Variants in TSHR observed in about 807,000 individuals in gnomAD.
TSHR encodes thyroid stimulating hormone receptor.
A neutral mutation model predicts 64.1 loss-of-function variants in TSHR; 51 were observed. The observed-to-expected ratio is 0.80, with a 90% confidence interval of 0.64 to 1.01. TSHR has a LOEUF of 1.01. Ranked by LOEUF, TSHR falls within the 50% of genes least tolerant of loss-of-function variation. The probability of loss-of-function intolerance (pLI) is 0.00; values close to 1 mark genes in which losing one functional copy is unlikely to be tolerated. For missense variants in TSHR, 877 were observed against 942.8 expected (o/e 0.93, Z 0.91); for synonymous variants, 361 against 361.9 (o/e 1.00, Z 0.03).
At chr14:81,104,952 A>G in intron 7 of TSHR, 1 of 985,454 alleles carries the variant, frequency 1.0e-6, no homozygotes, top group Non-Finnish European at 1.2e-6. Context: ...TTCTTTTCTC[A>G]TAAGCCCTTT....
chr14:81,123,128 GAA>G (rs3837639), intron 8 of TSHR, among the ~76,000 whole-genome samples: 224 of 137,640 alleles, frequency 1.6e-3, no homozygotes, highest in African/African-American at 4.4e-3. Flanking sequence ...CTCCGTCTAA[GAA>G]AAAAAAAAAA....
At chr14:81,088,878 T>G (rs1888495401) in intron 4 of TSHR, among the ~76,000 whole-genome samples, 1 of 152,126 alleles carries the variant, frequency 6.6e-6, no homozygotes, top group Admixed American at 6.5e-5. Flanking sequence ...AGAGGGTATC[T>G]TGAACAAGAA....
At chr14:81,115,139 G>C (rs1890435754) in intron 8 of TSHR, among the ~76,000 whole-genome samples, 1 of 152,130 alleles carries the variant, frequency 6.6e-6, no homozygotes, top group African/African-American at 2.4e-5. Context: ...TCCTCCAAAG[G>C]AACGCAGTTC....
chr14:81,142,317 T>G (rs1349401157), intron 9 of TSHR, among the ~76,000 whole-genome samples: 1 of 151,934 alleles, frequency 6.6e-6, no homozygotes, highest in Non-Finnish European at 1.5e-5. Context: ...TGACCTCAAG[T>G]GATGTGCCTG....
intron 1 of TSHR, chr14:80,992,412 A>T (rs1888787227): frequency 6.6e-6 from 1 of 151,556 alleles, no homozygotes; most frequent in South Asian, 2.1e-4. Context: ...AAAAAAAAAA[A>T]AAAAATAAGC....
At chr14:81,137,188 G>A (rs959126894) in intron 8 of TSHR, among the ~76,000 whole-genome samples, 1 of 152,200 alleles carries the variant, frequency 6.6e-6, no homozygotes, top group Non-Finnish European at 1.5e-5. Context: ...GGTCTGGAAT[G>A]TGTCTCAATC....
rs138894312 is a variant in TSHR, at chr14:81,008,335, G to A, written c.170+52485G>A. Among the ~76,000 whole-genome samples the A allele has an allele frequency of 1.9e-3, 289 of 152,100 alleles. 1 individual carries two copies. The highest frequency in any genetic ancestry group is 3.1e-3 in the Non-Finnish European group (212 of 67,990). ...CTACAGGCGCCCCCCACCACGCCCGGCTAATTTTTTGTATTTTTAGTAGAG... is the reference window on the plus strand; with the variant it reads ...CTACAGGCGCCCCCCACCACGCCCGACTAATTTTTTGTATTTTTAGTAGAG... On this transcript the variant is annotated intron_variant, in intron 1 of 9. Transcript: ENST00000298171.
intron 1 of TSHR, among the ~76,000 whole-genome samples, chr14:81,016,205 T>C (rs1478173933): frequency 1.3e-5 from 2 of 152,186 alleles, no homozygotes; most frequent in African/African-American, 4.8e-5. Context: ...TCCATGCTGC[T>C]TTCCACAGTG....
chr14:81,002,370 G>A (rs1042142122), intron 1 of TSHR, among the ~76,000 whole-genome samples: 9 of 152,058 alleles, frequency 5.9e-5, no homozygotes, highest in Non-Finnish European at 1.3e-4. Flanking sequence ...AGTTGTGTGT[G>A]ATTTTGCTCT....
At chr14:81,000,655 C>G (rs961743996) in intron 1 of TSHR, among the ~76,000 whole-genome samples, 1 of 152,158 alleles carries the variant, frequency 6.6e-6, no homozygotes, top group Non-Finnish European at 1.5e-5. Context: ...ATAGCCTCTT[C>G]GTACTCATTC....
At chr14:81,137,562 C>T (rs912603917) in intron 8 of TSHR, among the ~76,000 whole-genome samples, 2 of 152,150 alleles carry the variant, frequency 1.3e-5, no homozygotes, top group Non-Finnish European at 2.9e-5. Context: ...TAATCCCAAC[C>T]CCCAGGCATT....
chr14:81,109,726 G>C (rs926615201), intron 8 of TSHR, among the ~76,000 whole-genome samples: 1 of 152,070 alleles, frequency 6.6e-6, no homozygotes, highest in South Asian at 2.1e-4. Flanking sequence ...TGCATTTAAG[G>C]TCCTGTTCTC....
intron 7 of TSHR, among the ~76,000 whole-genome samples, chr14:81,097,559 A>C (rs923578750): frequency 2.6e-5 from 4 of 152,182 alleles, no homozygotes; most frequent in African/African-American, 9.7e-5. Context: ...TGATGCCGAC[A>C]CTGCTGTTCA....
chr14:81,123,128 GA>G (rs3837639), intron 8 of TSHR, among the ~76,000 whole-genome samples: 50,404 of 137,514 alleles, frequency 0.37, 11,652 homozygotes, highest in African/African-American at 0.68. Flanking sequence ...CTCCGTCTAA[GA>G]AAAAAAAAAA....
At chr14:81,005,786 G>A (rs913604626) in intron 1 of TSHR, among the ~76,000 whole-genome samples, 1 of 152,150 alleles carries the variant, frequency 6.6e-6, no homozygotes, top group African/African-American at 2.4e-5. Context: ...AAGGAGGACT[G>A]GATTAACAGC....
At chr14:81,016,557 C>T (rs2139788315) in intron 1 of TSHR, among the ~76,000 whole-genome samples, 1 of 152,218 alleles carries the variant, frequency 6.6e-6, no homozygotes, top group South Asian at 2.1e-4. Flanking sequence ...ATATTTTCTC[C>T]TTGTCCATGA....
At chr14:81,068,493 A>G (rs777446608) in intron 3 of TSHR, 165 bp downstream of exon 3, 17 of 656,906 alleles carry the variant, frequency 2.6e-5, no homozygotes, top group Non-Finnish European at 3.8e-5. Context: ...ATGTTAATTC[A>G]TCTTCATTAC....
chr14:81,037,448 A>AAAAAAAAAAAAAAAAAAAAAAAAC (rs1273226258), intron 1 of TSHR, among the ~76,000 whole-genome samples: 1 of 128,450 alleles, frequency 7.8e-6, no homozygotes, highest in Non-Finnish European at 1.8e-5. Context: ...AACAAACAAA[A>AAAAAAAAAAAAAAAAAAAAAAAAC]AACAGAAAAT....
chr14:81,037,241 A>C (rs1236969571), intron 1 of TSHR, among the ~76,000 whole-genome samples: 3 of 152,002 alleles, frequency 2.0e-5, no homozygotes, highest in Non-Finnish European at 4.4e-5. Flanking sequence ...TATCAACTTA[A>C]ATTGCCTATT....
Sources: gnomAD v4.1 joint callset for allele counts (sites outside exome capture counted in the v4.1 genomes callset) on GRCh38, gnomAD v4.1.1 for gene constraint, MANE v1.5 for transcripts, NCBI Gene and HGNC (gene_info 2026-07-23, HGNC 2026-07-21) for gene names.